RORA: variants seen among roughly 807,000 people sequenced by gnomAD.
The protein encoded by RORA is nuclear receptor ROR-alpha.
RORA carries 7 observed loss-of-function variants against 69.5 expected under a neutral mutation model. That is an observed-to-expected ratio of 0.10 (90% CI 0.06 to 0.19). The LOEUF is 0.19. Among genes scored for constraint, RORA ranks in the 10% least tolerant of loss-of-function variants. The pLI, the probability that RORA is intolerant of heterozygous loss-of-function variation, is 1.00. For missense variants in RORA, 457 were observed against 663.0 expected, an observed-to-expected ratio of 0.69 and a Z score of 3.41; for synonymous variants, 261 against 240.8, an observed-to-expected ratio of 1.08 and a Z score of -0.78.
At chr15:61,192,119 TTAAG>T (rs1233128021) in intron 1 of RORA, among the ~76,000 whole-genome samples, 1 of 152,244 alleles carries the variant, frequency 6.6e-6, no homozygotes, top group East Asian at 1.9e-4. Flanking sequence ...ACGGTGCTAT[TTAAG>T]TAAGTGCCAA....
chr15:60,506,301 C>T (rs1245043698), intron 5 of RORA, among the ~76,000 whole-genome samples: 2 of 152,000 alleles, frequency 1.3e-5, no homozygotes, highest in Non-Finnish European at 2.9e-5. Context: ...ACAGGGCTGC[C>T]ATGAGAATTA....
At chr15:60,998,452 C>T (rs1036492401) in intron 1 of RORA, among the ~76,000 whole-genome samples, 8 of 151,336 alleles carry the variant, frequency 5.3e-5, no homozygotes, top group Non-Finnish European at 1.2e-4. Flanking sequence ...GGCTGGAGTG[C>T]AGTGGTGTGA....
intron 1 of RORA, among the ~76,000 whole-genome samples, chr15:60,810,124 C>T (rs2072720771): frequency 6.6e-6 from 1 of 152,144 alleles, no homozygotes; most frequent in African/African-American, 2.4e-5. Flanking sequence ...TTTGATGGTG[C>T]ATCTTTCAGT....
intron 2 of RORA, among the ~76,000 whole-genome samples, chr15:60,533,176 A>AT (rs1567066101): frequency 1.3e-5 from 2 of 152,204 alleles, no homozygotes; most frequent in Non-Finnish European, 2.9e-5. Flanking sequence ...TCAGGGCCTA[A>AT]TACAAGTACT....
At chr15:60,930,049 G>A (rs1245884886) in intron 1 of RORA, among the ~76,000 whole-genome samples, 1 of 152,196 alleles carries the variant, frequency 6.6e-6, no homozygotes, top group South Asian at 2.1e-4. Flanking sequence ...TCTTGTGGCT[G>A]TTGGGCCCTT....
chr15:60,726,996 A>G (rs909180167), intron 1 of RORA, among the ~76,000 whole-genome samples: 1 of 152,206 alleles, frequency 6.6e-6, no homozygotes, highest in African/African-American at 2.4e-5. Flanking sequence ...TAACTTTCAC[A>G]TTCACAATCA....
chr15:61,202,174 AT>A (rs1014245576), intron 1 of RORA, among the ~76,000 whole-genome samples: 27 of 150,758 alleles, frequency 1.8e-4, no homozygotes, highest in African/African-American at 6.1e-4. Context: ...TGCCCAGCTA[AT>A]TTTTTTTTGT....
chr15:60,645,402 C>T (rs1294554005), intron 2 of RORA, among the ~76,000 whole-genome samples: 1 of 150,722 alleles, frequency 6.6e-6, no homozygotes, highest in Non-Finnish European at 1.5e-5. Flanking sequence ...ATTCTAACAA[C>T]AAGGTCTTGA....
intron 2 of RORA, among the ~76,000 whole-genome samples, chr15:60,642,169 G>A (rs557794522): frequency 1.1e-4 from 17 of 152,204 alleles, no homozygotes; most frequent in Middle Eastern, 3.4e-3. Flanking sequence ...TGCTGGGGCC[G>A]TGCTTTAAGA....
At chr15:60,730,008 C>A (rs1201944338) in intron 1 of RORA, among the ~76,000 whole-genome samples, 2 of 152,170 alleles carry the variant, frequency 1.3e-5, no homozygotes, top group African/African-American at 4.8e-5. Context: ...TCCCTTGTCC[C>A]TTTTTACATT....
chr15:60,935,785 A>T (rs144827687), intron 1 of RORA, among the ~76,000 whole-genome samples: 1 of 152,254 alleles, frequency 6.6e-6, no homozygotes, highest in African/African-American at 2.4e-5. Flanking sequence ...GGACTTCAAC[A>T]GCCAGATGCT....
chr15:60,552,169 A>T (rs1255450162), intron 2 of RORA, among the ~76,000 whole-genome samples: 1 of 152,194 alleles, frequency 6.6e-6, no homozygotes, highest in Non-Finnish European at 1.5e-5. Flanking sequence ...TGGGAAAATG[A>T]TAGTGGTGTC....
chr15:61,148,166 G>A (rs955232102), intron 1 of RORA, among the ~76,000 whole-genome samples: 1 of 152,206 alleles, frequency 6.6e-6, no homozygotes, highest in African/African-American at 2.4e-5. Context: ...TAAAAGAGGA[G>A]CCACTGAAGT....
At chr15:61,019,329 C>T (rs1421049619) in intron 1 of RORA, among the ~76,000 whole-genome samples, 1 of 152,232 alleles carries the variant, frequency 6.6e-6, no homozygotes, top group Non-Finnish European at 1.5e-5. Flanking sequence ...CATGTCTGTC[C>T]TTCATCATGC....
At chr15:60,868,360 T>C (rs2073513472) in intron 1 of RORA, among the ~76,000 whole-genome samples, 1 of 152,238 alleles carries the variant, frequency 6.6e-6, no homozygotes, top group African/African-American at 2.4e-5. Context: ...CTGTGAATAG[T>C]ATAAGTTGGT....
chr15:60,919,746 T>C (rs1167453080), intron 1 of RORA, among the ~76,000 whole-genome samples: 1 of 152,208 alleles, frequency 6.6e-6, no homozygotes, highest in East Asian at 1.9e-4. Flanking sequence ...GAAAAATCCA[T>C]CTTTTCCTTA....
intron 2 of RORA, among the ~76,000 whole-genome samples, chr15:60,671,094 A>ATATATATATATATG (rs1426634321): frequency 8.5e-6 from 1 of 118,118 alleles, no homozygotes; most frequent in Non-Finnish European, 1.8e-5. Flanking sequence ...ATATATATAT[A>ATATATATATATATG]TATCTGTTTC....
Position 61,208,898 on chromosome 15 carries a change from A to G in RORA, c.166+20155T>C, listed in dbSNP as rs2079965452. On this transcript the variant is annotated intron_variant, in intron 1 of 10. Transcript: ENST00000335670. Reference sequence around the variant, plus strand: ...ACAAACAGATGTGCCTGATTCAATGACCAGAATGTTTTTGTGGTATATATC... The same window carrying G: ...ACAAACAGATGTGCCTGATTCAATGGCCAGAATGTTTTTGTGGTATATATC... Among the ~76,000 whole-genome samples, 4 of 152,220 alleles carry G rather than the reference A, an allele frequency of 2.6e-5. No homozygotes were observed. In the South Asian group the frequency reaches 8.3e-4, roughly 32 times the overall value.
intron 1 of RORA, among the ~76,000 whole-genome samples, chr15:60,781,170 C>T (rs566392250): frequency 6.6e-4 from 101 of 152,164 alleles, no homozygotes; most frequent in African/African-American, 2.2e-3. Context: ...GCTGGTCGTG[C>T]TAGGGTGGAG....
Sources: allele counts gnomAD v4.1 joint callset (sites outside exome capture counted in the v4.1 genomes callset), GRCh38; gene constraint gnomAD v4.1.1; transcripts MANE v1.5; gene names NCBI Gene and HGNC (gene_info 2026-07-23, HGNC 2026-07-21).